The following SPOCK1 variants were observed in gnomAD, a reference collection of about 807,000 sequenced individuals.
SPOCK1 encodes the protein SPARC (osteonectin), cwcv and kazal like domains proteoglycan 1, also known as testican-1.
In SPOCK1, 23 loss-of-function variants were observed where a neutral mutation model predicts 55.3. That is an observed-to-expected ratio of 0.42 (90% confidence interval 0.30 to 0.59). The LOEUF (loss-of-function observed/expected upper bound fraction) is 0.59. SPOCK1 is among the 20% of genes least tolerant of loss of function. SPOCK1 has a pLI of 0.22. For missense variants in SPOCK1, 499 were observed against 552.5 expected (o/e 0.90, Z 0.97); for synonymous variants, 226 against 221.0 (o/e 1.02, Z -0.20).
chr5:137,134,485 G>A (rs992860107), intron 4 of SPOCK1, among the ~76,000 whole-genome samples: 7 of 152,206 alleles, frequency 4.6e-5, no homozygotes, highest in African/African-American at 1.7e-4. Flanking sequence ...CCAGAACACA[G>A]TAAATGAAGA....
chr5:137,064,593 C>T (rs1445010404), intron 6 of SPOCK1, among the ~76,000 whole-genome samples: 1 of 152,168 alleles, frequency 6.6e-6, no homozygotes, highest in Non-Finnish European at 1.5e-5. Flanking sequence ...AGGTGGACTG[C>T]ATGCTCAGCT....
intron 3 of SPOCK1, among the ~76,000 whole-genome samples, chr5:137,194,542 G>A (rs564144628): frequency 5.7e-4 from 86 of 152,174 alleles, no homozygotes; most frequent in African/African-American, 2.0e-3. Context: ...CTCAGGACTC[G>A]GCCCTGTGCC....
At chr5:137,250,229 T>C (rs1035999632) in intron 3 of SPOCK1, among the ~76,000 whole-genome samples, 2 of 152,180 alleles carry the variant, frequency 1.3e-5, no homozygotes, top group Admixed American at 1.3e-4. Flanking sequence ...AAGGCCAAAT[T>C]GGGTTGTTGC....
In SPOCK1 at chr5:137,182,393, T is replaced by C. The variant is rs978504816; in HGVS notation, c.233-41699A>G. 2.0e-5 allele frequency among the ~76,000 whole-genome samples: 3 copies of C among 152,216 alleles called. No individual in the cohort carries two copies. In the East Asian group the frequency reaches 5.8e-4, roughly 29 times the overall value. On this transcript the variant is annotated intron_variant, in intron 3 of 10. Transcript: ENST00000394945. Reference sequence around the variant, plus strand: ...AACAAAACTCAGACATTTCCTTTTCTGGGAAACTTTTCCTAAACAATGTCT... The same window carrying C: ...AACAAAACTCAGACATTTCCTTTTCCGGGAAACTTTTCCTAAACAATGTCT...
intron 6 of SPOCK1, among the ~76,000 whole-genome samples, chr5:137,000,740 A>G (rs1234977945): frequency 6.6e-6 from 1 of 152,186 alleles, no homozygotes; most frequent in South Asian, 2.1e-4. Context: ...GCTTAAAAAC[A>G]GGAGAGAGAA....
At chr5:137,219,595 C>G (rs1755806474) in intron 3 of SPOCK1, among the ~76,000 whole-genome samples, 1 of 152,210 alleles carries the variant, frequency 6.6e-6, no homozygotes, top group Non-Finnish European at 1.5e-5. Context: ...AAACAAAACT[C>G]CAGGTCAAAT....
At chr5:137,282,914 C>T (rs1015293559) in intron 2 of SPOCK1, among the ~76,000 whole-genome samples, 1 of 152,160 alleles carries the variant, frequency 6.6e-6, no homozygotes, top group Non-Finnish European at 1.5e-5. Flanking sequence ...CAGAAAAGTG[C>T]CAAGAACTGA....
At chr5:136,999,224 C>A (rs994872864) in intron 6 of SPOCK1, among the ~76,000 whole-genome samples, 1 of 152,120 alleles carries the variant, frequency 6.6e-6, no homozygotes, top group African/African-American at 2.4e-5. Context: ...GTTACCGCAG[C>A]CTTGGTGGGG....
chr5:137,370,767 T>C (rs1358063500), intron 2 of SPOCK1, among the ~76,000 whole-genome samples: 1 of 152,270 alleles, frequency 6.6e-6, no homozygotes, highest in South Asian at 2.1e-4. Context: ...CACTGTGGCT[T>C]TGGAAATGTT....
rs76738429 is a variant in SPOCK1, at chr5:137,178,793, G to T, written c.233-38099C>A. On this transcript the variant is annotated intron_variant, in intron 3 of 10. Transcript: ENST00000394945. ...TGGGCTGGCCCACCAGAGACACTTT[G>T]TTTATATGGCCCAGTAGAAGGCACA... Among the ~76,000 whole-genome samples, 637 of 152,348 alleles carry T rather than the reference G, an allele frequency of 4.2e-3. 2 individuals are homozygous for T. The highest frequency in any genetic ancestry group is 0.015 in the African/African-American group (626 of 41,580).
chr5:137,453,157 C>T (rs187072749), intron 2 of SPOCK1, among the ~76,000 whole-genome samples: 1 of 152,244 alleles, frequency 6.6e-6, no homozygotes, highest in African/African-American at 2.4e-5. Context: ...ATAAGGCACG[C>T]TTCTGAAATA....
At chr5:137,090,060 AT>A (rs1753026421) in intron 5 of SPOCK1, among the ~76,000 whole-genome samples, 2 of 152,210 alleles carry the variant, frequency 1.3e-5, no homozygotes, top group Non-Finnish European at 2.9e-5. Flanking sequence ...TTGGGACTAC[AT>A]GGAGATACGG....
chr5:137,044,532 A>T (rs1415212317), intron 6 of SPOCK1, among the ~76,000 whole-genome samples: 1 of 152,236 alleles, frequency 6.6e-6, no homozygotes, highest in East Asian at 1.9e-4. Context: ...TTTGTATTTA[A>T]GATGGAGATC....
At chr5:137,448,456 C>T (rs1369799904) in intron 2 of SPOCK1, among the ~76,000 whole-genome samples, 6 of 152,200 alleles carry the variant, frequency 3.9e-5, no homozygotes, top group Middle Eastern at 3.4e-3. Context: ...CAGAATTCTA[C>T]TGTGAAGTGC....
chr5:137,144,166 C>A (rs1352913669), intron 3 of SPOCK1, among the ~76,000 whole-genome samples: 1 of 152,108 alleles, frequency 6.6e-6, no homozygotes, highest in Non-Finnish European at 1.5e-5. Flanking sequence ...GCTCTGGACA[C>A]CTGAGCCCTC....
chr5:137,308,189 T>C (rs893645165), intron 2 of SPOCK1, among the ~76,000 whole-genome samples: 2 of 152,210 alleles, frequency 1.3e-5, no homozygotes, highest in African/African-American at 4.8e-5. Flanking sequence ...GCAAAAGTAC[T>C]AAAAAGATAT....
intron 3 of SPOCK1, among the ~76,000 whole-genome samples, chr5:137,186,727 G>A (rs1005159502): frequency 5.9e-5 from 9 of 152,170 alleles, no homozygotes; most frequent in Non-Finnish European, 1.3e-4. Flanking sequence ...ATTCCCAAAC[G>A]TCCAGCCTGG....
intron 6 of SPOCK1, among the ~76,000 whole-genome samples, chr5:137,034,918 C>G (rs563573407): frequency 6.6e-6 from 1 of 152,112 alleles, no homozygotes; most frequent in Non-Finnish European, 1.5e-5. Flanking sequence ...AGGGCACATG[C>G]GGGCGGCCCA....
chr5:137,140,790 G>T lies in SPOCK1; in HGVS notation c.233-96C>A, dbSNP rs565417083. The T allele has an allele frequency of 1.9e-5, 14 of 754,908 alleles. No homozygotes were observed. The East Asian group carries it at 2.5e-4, about 13-fold the overall frequency. The allele number at this position is 754,908 out of a possible 1,614,324, so 46.8% of individuals were successfully genotyped here. ...TTTTTTTTTGTTGAGACGGACTCTC[G>T]CTGTGTTGCCCAGACTGGTGTGCGG... On this transcript the variant is annotated intron_variant, in intron 3 of 10. Transcript: ENST00000394945.
Sources: allele counts gnomAD v4.1 joint callset (sites outside exome capture counted in the v4.1 genomes callset), GRCh38; gene constraint gnomAD v4.1.1; transcripts MANE v1.5; gene names NCBI Gene and HGNC (gene_info 2026-07-23, HGNC 2026-07-21).